Variants in HIVEP1 observed in about 807,000 individuals in gnomAD.
HIVEP1 encodes the protein HIVEP zinc finger 1, also known as zinc finger protein 40.
Under a neutral mutation model 180.0 loss-of-function variants are expected in HIVEP1, and 36 were observed. The observed-to-expected ratio is 0.20, with a 90% CI of 0.15 to 0.26. The LOEUF (loss-of-function observed/expected upper bound fraction) is 0.26, where lower values mean the gene tolerates loss of function less well. HIVEP1 is among the 10% of genes least tolerant of loss of function. HIVEP1 has a pLI of 1.00. For synonymous variants in HIVEP1, 1,239 were observed against 1,239.0 expected, an observed-to-expected ratio of 1.00 and a Z score of 0.00; for missense variants, 3,143 against 3,268.7, an observed-to-expected ratio of 0.96 and a Z score of 0.94.
At chr6:12,081,294 TG>T (rs1225794686) in intron 2 of HIVEP1, among the ~76,000 whole-genome samples, 3 of 152,198 alleles carry the variant, frequency 2.0e-5, no homozygotes, top group Non-Finnish European at 4.4e-5. Flanking sequence ...TGTTCAGCAG[TG>T]CTTTTGTCCT....
the HIVEP1 span, among the ~76,000 whole-genome samples, chr6:12,188,927 C>T: frequency 3.7e-4 from 56 of 151,864 alleles, no homozygotes; most frequent in Admixed American, 1.5e-3. Flanking sequence ...TGTTCCTGTC[C>T]GTACTCCAAA....
At chr6:12,133,601 T>C (rs764191176) in intron 6 of HIVEP1, among the ~76,000 whole-genome samples, 6 of 152,228 alleles carry the variant, frequency 3.9e-5, no homozygotes, top group Non-Finnish European at 7.3e-5. Flanking sequence ...TAAAAACTTA[T>C]ATTTCTGAAT....
rs1292101466 is a variant in HIVEP1, at chr6:12,123,483, CACA to C, written c.3692_3694del (p.Asn1231del). On this transcript the variant is annotated inframe_deletion, in exon 4 of 9. Transcript: ENST00000379388. ...ACAGCCCTCAAGACTTGTCCGGCAG[CACA>C]ACATCCAAGTTCCAGAGATTTTGGT... The C allele has an allele frequency of 6.2e-7, 1 of 1,614,126 alleles. No homozygotes were observed. The highest frequency in any genetic ancestry group is 1.7e-5 in the Admixed American group (1 of 60,018).
the HIVEP1 span, among the ~76,000 whole-genome samples, chr6:12,194,185 C>A: frequency 6.6e-6 from 1 of 152,018 alleles, no homozygotes; most frequent in African/African-American, 2.4e-5. Context: ...TGAATTAAAC[C>A]TATTAAAATT....
At chr6:12,012,262 C>T (rs999411860), upstream of HIVEP1, 122 of 147,374 alleles carry the variant, frequency 8.3e-4, no homozygotes, top group African/African-American at 2.5e-3. Context: ...CCCCCCCCCG[C>T]CCCCCGGCCC....
the HIVEP1 span, among the ~76,000 whole-genome samples, chr6:12,190,712 G>C: frequency 6.6e-6 from 1 of 151,948 alleles, no homozygotes; most frequent in African/African-American, 2.4e-5. Flanking sequence ...GGCTCTTGTA[G>C]TGTTTTTCCA....
At chr6:12,175,401 C>A in the HIVEP1 span, among the ~76,000 whole-genome samples, 5,711 of 152,286 alleles carry the variant, frequency 0.038, 108 homozygotes, top group Non-Finnish European at 0.045. Flanking sequence ...AAGATAAAAA[C>A]AGATAATATG....
Position 12,123,372 on chromosome 6 carries a change from C to A in HIVEP1, c.3577C>A (p.Pro1193Thr), listed in dbSNP as rs764300815. 11 of 1,614,064 alleles carry A rather than the reference C, an allele frequency of 6.8e-6. No homozygotes were observed. In the East Asian group the frequency reaches 2.5e-4, roughly 36 times the overall value. ...ESHPSRDGSHPHQLALSDALR... is the reference protein window; with the variant it reads ...ESHPSRDGSHTHQLALSDALR... ...TCACCCTTCTCGGGACGGGTCTCAT[C>A]CTCACCAGCTTGCACTATCAGACGC... Residue 1193 changes from proline (P) to threonine (T), a missense_variant, in exon 4 of 9, where the codon CCT becomes ACT. Around this residue, in one of 12 missense-constraint regions of HIVEP1, gnomAD observed 1,357 missense variants for 1,260.5 expected, o/e 1.08. Transcript: ENST00000379388.
intron 7 of HIVEP1, among the ~76,000 whole-genome samples, chr6:12,157,926 A>T (rs931902123): frequency 6.6e-6 from 1 of 152,144 alleles, no homozygotes. Context: ...TTTTCTTGAT[A>T]TTGTTACCAT....
At chr6:12,068,956 C>T (rs961330323) in intron 2 of HIVEP1, among the ~76,000 whole-genome samples, 2 of 152,228 alleles carry the variant, frequency 1.3e-5, no homozygotes, top group Admixed American at 1.3e-4. Flanking sequence ...TTGTCACTTT[C>T]CCCAGAAATG....
intron 2 of HIVEP1, among the ~76,000 whole-genome samples, chr6:12,023,873 A>C (rs1449966422): frequency 6.6e-6 from 1 of 152,208 alleles, no homozygotes; most frequent in Non-Finnish European, 1.5e-5. Flanking sequence ...AAAAATACAT[A>C]ATTTGTGTAA....
the HIVEP1 span, among the ~76,000 whole-genome samples, chr6:12,184,040 GACAGACAGACAGACAGAC>G: frequency 1.2e-3 from 185 of 151,186 alleles, no homozygotes; most frequent in African/African-American, 4.2e-3. Context: ...CAGACAGACA[GACAGACAGACAGACAGAC>G]AGACTGATTT....
chr6:12,182,817 G>A, the HIVEP1 span, among the ~76,000 whole-genome samples: 34,045 of 152,136 alleles, frequency 0.22, 4,499 homozygotes, highest in Non-Finnish European at 0.29. Context: ...TACTGTGCAA[G>A]TAGAAGGTGT....
At chr6:12,208,271 G>T in the HIVEP1 span, among the ~76,000 whole-genome samples, 3 of 152,174 alleles carry the variant, frequency 2.0e-5, no homozygotes, top group Admixed American at 2.0e-4. Flanking sequence ...GATTGGTGAT[G>T]ACTTTGTTTT....
rs558411088 is a variant in HIVEP1 at position 12,073,958 on chromosome 6, C to T, written c.41-15226C>T. 3.9e-5 allele frequency among the ~76,000 whole-genome samples: 6 copies of T among 152,290 alleles called. No individual in the cohort carries two copies. The East Asian group carries it at 1.2e-3, about 29-fold the overall frequency. ...TGGTGAGAGGTCCCTGCACCACACA[C>T]TCCCCACCTCACTACTGCTGGGAAC... On this transcript the variant is annotated intron_variant, in intron 2 of 8. Transcript: ENST00000379388.
intron 1 of HIVEP1, among the ~76,000 whole-genome samples, chr6:12,014,217 C>A (rs886673487): frequency 2.0e-5 from 3 of 152,158 alleles, no homozygotes; most frequent in Non-Finnish European, 4.4e-5. Flanking sequence ...GAACCCACTC[C>A]GGTTTGACAC....
At chr6:12,209,670 G>GTAT in the HIVEP1 span, among the ~76,000 whole-genome samples, 2 of 152,246 alleles carry the variant, frequency 1.3e-5, no homozygotes, top group East Asian at 3.9e-4. Flanking sequence ...AATACTTAAT[G>GTAT]TGAATTGAGC....
At chr6:12,022,971 G>A (rs560434480) in intron 2 of HIVEP1, among the ~76,000 whole-genome samples, 1 of 152,250 alleles carries the variant, frequency 6.6e-6, no homozygotes, top group East Asian at 1.9e-4. Flanking sequence ...TGTTAGATGA[G>A]GTTAAACAGA....
intron 2 of HIVEP1, among the ~76,000 whole-genome samples, chr6:12,040,970 C>T (rs1305256811): frequency 6.6e-6 from 1 of 152,162 alleles, no homozygotes; most frequent in Non-Finnish European, 1.5e-5. Flanking sequence ...GGGGTGTGTC[C>T]CCATGATCCA....
Sources: allele counts gnomAD v4.1 joint callset (sites outside exome capture counted in the v4.1 genomes callset), GRCh38; gene constraint gnomAD v4.1.1; regional missense constraint gnomAD v4.1.1; transcripts MANE v1.5; gene names NCBI Gene and HGNC (gene_info 2026-07-23, HGNC 2026-07-21).